The following PFN2 variants were observed in gnomAD, a reference collection of about 807,000 sequenced individuals.
PFN2 encodes profilin 2.
A neutral mutation model predicts 15.3 loss-of-function variants in PFN2; 8 were observed. That is an observed-to-expected ratio of 0.52 (90% confidence interval 0.31 to 0.95). PFN2 has a LOEUF of 0.95. Among genes scored for constraint, PFN2 ranks in the 40% least tolerant of loss-of-function variants. The probability of loss-of-function intolerance (pLI) is 0.05; values close to 1 mark genes in which losing one functional copy is unlikely to be tolerated. For missense variants in PFN2, 111 were observed against 182.3 expected (o/e 0.61, Z 2.25); for synonymous variants, 79 against 67.9 (o/e 1.16, Z -0.81).
chr3:149,965,295 T>G lies in PFN2; in HGVS notation c.*1194A>C. The G allele has an allele frequency of 2.0e-6, 3 of 1,535,120 alleles. No individual in the cohort carries two copies. The highest frequency in any genetic ancestry group is 2.6e-6 in the Non-Finnish European group (3 of 1,146,406). On this transcript the variant is annotated 3_prime_UTR_variant, in exon 3 of 3. Coordinates refer to ENST00000239940, the MANE Select transcript of PFN2 (RefSeq NM_053024.4). ...TAAAAACTCAAGCTGCAAATAAAAATTGGTCCTATGAAGAACAAACTGGAC... is the reference window on the plus strand; with the variant it reads ...TAAAAACTCAAGCTGCAAATAAAAAGTGGTCCTATGAAGAACAAACTGGAC...
At position 149,966,599 on chromosome 3, in the gene PFN2, G is replaced by C. The variant is rs764416828; in HGVS notation, c.326-13C>G. The C allele has an allele frequency of 1.3e-6, 2 of 1,584,810 alleles. No homozygotes were observed. The highest frequency in any genetic ancestry group is 1.7e-6 in the Non-Finnish European group (2 of 1,156,490). On this transcript the variant is annotated splice_polypyrimidine_tract_variant and intron_variant, in intron 2 of 2. Coordinates refer to ENST00000239940, the MANE Select transcript of PFN2 (RefSeq NM_053024.4). ...ACAAAGACCAAGACTGAAAGAGAAAGAAGAAAAGTGTTTCAAAAGAAGTGT... is the reference window on the plus strand; with the variant it reads ...ACAAAGACCAAGACTGAAAGAGAAACAAGAAAAGTGTTTCAAAAGAAGTGT...
chr3:149,968,079 G>C, intron 2 of PFN2: 1 of 326,804 alleles, frequency 3.1e-6, no homozygotes, highest in Non-Finnish European at 5.5e-6. Flanking sequence ...ATTATGATTT[G>C]ACATGTCAAG....
rs918107266 is a variant in PFN2 at position 149,966,354 on chromosome 3, G to A, written c.*135C>T. On this transcript the variant is annotated 3_prime_UTR_variant, in exon 3 of 3. Coordinates refer to ENST00000239940, the MANE Select transcript of PFN2 (RefSeq NM_053024.4). ...AAAGACACCTTTCCCCACCAACAGA[G>A]GGATACAAAGGAGACACAGGTTCAT... The A allele has an allele frequency of 3.8e-6, 6 of 1,589,426 alleles. No homozygotes were observed. The African/African-American group carries it at 5.4e-5, about 14-fold the overall frequency.
rs779580619 is a variant in PFN2 at position 149,966,466 on chromosome 3, A to G, written c.*23T>C. 3 of 1,607,882 alleles carry G rather than the reference A, an allele frequency of 1.9e-6. No individual in the cohort carries two copies. Among genetic ancestry groups the G allele is most frequent in the South Asian group, 1.1e-5 (1 of 89,592 alleles). ...AAAGTTTAAGAGCAATTTTCCCCTA[A>G]TACTTAACAGTCTGCCTAGCAGCTA... On this transcript the variant is annotated 3_prime_UTR_variant, in exon 3 of 3. Coordinates refer to ENST00000239940, the MANE Select transcript of PFN2 (RefSeq NM_053024.4).
At chr3:149,970,618 C>T in intron 1 of PFN2, 107 bp downstream of exon 1, 2 of 1,175,294 alleles carry the variant, frequency 1.7e-6, no homozygotes, top group Non-Finnish European at 2.2e-6. Context: ...GCCTAGCACA[C>T]CTGCGGGCTC....
chr3:149,970,337 G>A (rs1346373852), intron 1 of PFN2: 1 of 154,962 alleles, frequency 6.5e-6, no homozygotes, highest in South Asian at 2.1e-4. Flanking sequence ...TTCCACCCCA[G>A]AACGTGCATA....
At chr3:149,968,578 AAAC>A (rs569365451) in intron 1 of PFN2, 28 bp from the exon 2 acceptor site, 22,907 of 1,341,024 alleles carry the variant, frequency 0.017, 110 homozygotes, top group Non-Finnish European at 0.019. Context: ...GAAAAAAAAA[AAAC>A]ACACACACAT....
At position 149,966,275 on chromosome 3, in the gene PFN2, C is replaced by T; in HGVS notation, c.*214G>A. Reference sequence around the variant, plus strand: ...TGACTATAACCAATGCTGGAGTACACAAGGAAACAAAACAAAAGTGAACAG... The same window carrying T: ...TGACTATAACCAATGCTGGAGTACATAAGGAAACAAAACAAAAGTGAACAG... On this transcript the variant is annotated 3_prime_UTR_variant, in exon 3 of 3. Transcript: ENST00000239940. 2 of 1,609,870 alleles carry T rather than the reference C, an allele frequency of 1.2e-6. No individual in the cohort carries two copies. The highest frequency in any genetic ancestry group is 1.1e-5 in the South Asian group (1 of 90,280).
At position 149,965,714 on chromosome 3, in the gene PFN2, G is replaced by GA; in HGVS notation, c.*774_*775insT. ...AAATGCCTATGTGCGAAGGGAGGGG[G>GA]GGCGGGAAAAAGAGAAGAGTGAAGG... On this transcript the variant is annotated 3_prime_UTR_variant, in exon 3 of 3. Coordinates refer to ENST00000239940, the MANE Select transcript of PFN2 (RefSeq NM_053024.4). 9.9e-7 allele frequency: 1 copy of GA among 1,014,490 alleles called. No individual in the cohort carries two copies. The highest frequency in any genetic ancestry group is 1.2e-6 in the Non-Finnish European group (1 of 848,394). The allele number at this position is 1,014,490 out of a possible 1,614,324, so 62.8% of individuals were successfully genotyped here.
At position 149,970,863 on chromosome 3, in the gene PFN2, G is replaced by A. The variant is rs1293043129; in HGVS notation, c.-7C>T. ...AGCTCTGCCAACCGGCCATCTTCGA[G>A]CCCTTCGCACTGCAGCGCGGACGGC... On this transcript the variant is annotated 5_prime_UTR_variant, in exon 1 of 3. Transcript: ENST00000239940. 7.3e-5 allele frequency: 107 copies of A among 1,458,472 alleles called. No individual in the cohort carries two copies. Among genetic ancestry groups the A allele is most frequent in the Non-Finnish European group, 9.4e-5 (103 of 1,095,694 alleles). 90.3% of individuals were successfully genotyped at this position (1,458,472 alleles called of 1,614,324 possible). A position where few individuals can be genotyped will look rare whatever the true frequency, so the allele number is the denominator to read the frequency against.
At chr3:149,966,641 A>AT (rs1447966260) in intron 2 of PFN2, 55 bp from the exon 3 acceptor site, 6 of 1,358,058 alleles carry the variant, frequency 4.4e-6, no homozygotes, top group Admixed American at 3.5e-5. Flanking sequence ...AGAAAGTCAC[A>AT]TAAGTTTTAG....
rs1481726446 is a variant in PFN2, at chr3:149,965,886, T to A, written c.*603A>T. ...AATATTAACTTATTTTAGTAATCAA[T>A]ATCCCATTAATTGCTAAGACAAAGT... On this transcript the variant is annotated 3_prime_UTR_variant, in exon 3 of 3. Coordinates refer to ENST00000239940, the MANE Select transcript of PFN2 (RefSeq NM_053024.4). 1.6e-6 allele frequency: 2 copies of A among 1,246,070 alleles called. No individual in the cohort carries two copies. Among genetic ancestry groups the A allele is most frequent in the African/African-American group, 3.1e-5 (2 of 65,136 alleles). The allele number at this position is 1,246,070 out of a possible 1,614,324, so 77.2% of individuals were successfully genotyped here. A position where few individuals can be genotyped will look rare whatever the true frequency, so the allele number is the denominator to read the frequency against.
At chr3:149,969,989 A>G (rs1201505239) in intron 1 of PFN2, among the ~76,000 whole-genome samples, 1 of 151,942 alleles carries the variant, frequency 6.6e-6, no homozygotes, top group African/African-American at 2.4e-5. Flanking sequence ...GGATAACCGT[A>G]TATCGATGAA....
chr3:149,966,711 C>T, intron 2 of PFN2, 125 bp from the exon 3 acceptor site: 1 of 727,618 alleles, frequency 1.4e-6, no homozygotes, highest in Non-Finnish European at 2.4e-6. Flanking sequence ...CTGCCAAGCA[C>T]TGAAGTCAAG....
rs1439436799 is a variant in PFN2 at position 149,965,557 on chromosome 3, G to A, written c.*932C>T. On this transcript the variant is annotated 3_prime_UTR_variant, in exon 3 of 3. Coordinates refer to ENST00000239940, the MANE Select transcript of PFN2 (RefSeq NM_053024.4). ...ATGTCCTGTAGACACTATGAATAAA[G>A]GTTTGTCTCTGCTCAAGTGCAACAA... 1.6e-6 allele frequency: 2 copies of A among 1,269,362 alleles called. No homozygotes were observed. The highest frequency in any genetic ancestry group is 2.0e-6 in the Non-Finnish European group (2 of 1,009,622). 78.6% of individuals were successfully genotyped at this position (1,269,362 alleles called of 1,614,324 possible). A position where few individuals can be genotyped will look rare whatever the true frequency, so the allele number is the denominator to read the frequency against.
chr3:149,966,770 T>G (rs532557118), intron 2 of PFN2, among the ~76,000 whole-genome samples, 184 bp from the exon 3 acceptor site: 17 of 151,790 alleles, frequency 1.1e-4, no homozygotes, highest in Non-Finnish European at 1.5e-5. Flanking sequence ...AAACAGAAAA[T>G]AGTAAACTTG....
Position 149,965,830 on chromosome 3 carries a change from G to C in PFN2, c.*659C>G. The C allele has an allele frequency of 8.9e-7, 1 of 1,120,472 alleles. No individual in the cohort carries two copies. Among genetic ancestry groups the C allele is most frequent in the South Asian group, 3.0e-5 (1 of 33,706 alleles). The allele number at this position is 1,120,472 out of a possible 1,614,324, so 69.4% of individuals were successfully genotyped here. A position where few individuals can be genotyped will look rare whatever the true frequency, so the allele number is the denominator to read the frequency against. ...ATGCTCAAAGTGCTGAAAAGACACT[G>C]ATCAGAGATTGTACAACCGGCACCT... On this transcript the variant is annotated 3_prime_UTR_variant, in exon 3 of 3. Coordinates refer to ENST00000239940, the MANE Select transcript of PFN2 (RefSeq NM_053024.4).
Position 149,968,537 on chromosome 3 carries a change from T to C in PFN2, c.146A>G (p.Asp49Gly), listed in dbSNP as rs1722753311. ...VFQSITPIEI[D>G]MIVGKDREGF... Reference sequence around the variant, plus strand: ...TTCCCGGTCTTTTCCTACAATCATATCTATTTCTATTGGCTGCCCCCCACC... The same window carrying C: ...TTCCCGGTCTTTTCCTACAATCATACCTATTTCTATTGGCTGCCCCCCACC... Residue 49 changes from aspartate to glycine, a missense_variant, in exon 2 of 3, where the codon GAT becomes GGT. Asp to Gly is a moderately conservative substitution (Grantham distance 94). Transcript: ENST00000239940. 1 of 1,604,530 alleles carries C rather than the reference T, an allele frequency of 6.2e-7. No homozygotes were observed. Among genetic ancestry groups the C allele is most frequent in the South Asian group, 1.1e-5 (1 of 90,012 alleles).
chr3:149,966,043 A>G lies in PFN2; in HGVS notation c.*446T>C. Reference sequence around the variant, plus strand: ...AACATACAAATGATCCATTGGGCAAACAGGAATCATGACATTAGAAAATAG... The same window carrying G: ...AACATACAAATGATCCATTGGGCAAGCAGGAATCATGACATTAGAAAATAG... On this transcript the variant is annotated 3_prime_UTR_variant, in exon 3 of 3. Transcript: ENST00000239940. The G allele has an allele frequency of 6.6e-7, 1 of 1,504,384 alleles. No homozygotes were observed. The highest frequency in any genetic ancestry group is 1.4e-5 in the African/African-American group (1 of 71,818). 93.2% of individuals were successfully genotyped at this position (1,504,384 alleles called of 1,614,324 possible). A position where few individuals can be genotyped will look rare whatever the true frequency, so the allele number is the denominator to read the frequency against.
Sources: gnomAD v4.1 joint callset for allele counts (sites outside exome capture counted in the v4.1 genomes callset) on GRCh38, gnomAD v4.1.1 for gene constraint, MANE v1.5 for transcripts, NCBI Gene and HGNC (gene_info 2026-07-23, HGNC 2026-07-21) for gene names.